Variants in MYOM2 observed in about 807,000 individuals in gnomAD.
MYOM2 encodes the protein myomesin-2.
MYOM2 carries 254 observed loss-of-function variants against 187.6 expected under a neutral mutation model. The ratio of observed to expected loss-of-function variants is 1.35; its 90% CI spans 1.22 to 1.50. The LOEUF (loss-of-function observed/expected upper bound fraction) is 1.50, where lower values mean the gene tolerates loss of function less well. Among genes scored for constraint, MYOM2 ranks in the 40% most tolerant of loss-of-function variants. The probability of loss-of-function intolerance (pLI) is 0.00; values close to 1 mark genes in which losing one functional copy is unlikely to be tolerated. For synonymous variants in MYOM2, 981 were observed against 753.8 expected (o/e 1.30, Z -4.94); for missense variants, 2,796 against 1,924.0 (o/e 1.45, Z -8.48).
At chr8:2,079,846 G>A (rs1268949783) in intron 13 of MYOM2, among the ~76,000 whole-genome samples, 1 of 152,204 alleles carries the variant, frequency 6.6e-6, no homozygotes, top group East Asian at 1.9e-4. Flanking sequence ...GTGACTCTTA[G>A]ACTCACCTTT....
intron 28 of MYOM2, among the ~76,000 whole-genome samples, chr8:2,121,013 G>C (rs1797435419): frequency 6.6e-6 from 1 of 151,966 alleles, no homozygotes; most frequent in African/African-American, 2.4e-5. Context: ...AAGCTGCAAG[G>C]GAAGTGGTCT....
chr8:2,085,435 C>A (rs375758114), intron 14 of MYOM2, 45 bp downstream of exon 14: 36 of 1,599,864 alleles, frequency 2.3e-5, no homozygotes, highest in Admixed American at 3.4e-5. Flanking sequence ...CTCTGCATGG[C>A]CCCCCACTGT....
chr8:2,087,775 C>T (rs574914666), intron 14 of MYOM2, among the ~76,000 whole-genome samples: 17 of 152,284 alleles, frequency 1.1e-4, no homozygotes, highest in African/African-American at 3.6e-4. Flanking sequence ...TGTGCCACCA[C>T]GCCCAGCTGA....
At chr8:2,143,924 G>A (rs1798366805) in intron 36 of MYOM2, among the ~76,000 whole-genome samples, 1 of 152,350 alleles carries the variant, frequency 6.6e-6, no homozygotes, top group African/African-American at 2.4e-5. Flanking sequence ...GGTCATTGTG[G>A]AACACATCGT....
intron 21 of MYOM2, 89 bp from the exon 22 acceptor site, chr8:2,106,153 G>A (rs2116800256): frequency 9.7e-6 from 13 of 1,336,308 alleles, no homozygotes; most frequent in Admixed American, 2.0e-5. Flanking sequence ...GGGTGTGGAC[G>A]CGGAGCCAAA....
At chr8:2,108,962 A>T in intron 24 of MYOM2, 132 bp downstream of exon 24, 1 of 823,134 alleles carries the variant, frequency 1.2e-6, no homozygotes, top group African/African-American at 1.7e-5. Context: ...AGCTTACAGG[A>T]TTGAAACCTA....
At chr8:2,124,241 C>T (rs1563072243) in intron 31 of MYOM2, 24 bp downstream of exon 31, 9 of 1,602,588 alleles carry the variant, frequency 5.6e-6, no homozygotes, top group Non-Finnish European at 7.7e-6. Flanking sequence ...TTTTAATTTT[C>T]AAGTCATTTG....
At position 2,094,025 on chromosome 8, in the gene MYOM2, G is replaced by C; in HGVS notation, c.2059G>C (p.Val687Leu). Residue 687 changes from valine (V) to leucine (L), a missense_variant, in exon 17 of 37, where the codon GTC becomes CTC. Physicochemically the swap from Val to Leu is conservative, Grantham distance 32. Transcript: ENST00000262113. ...GEQYIFRVKA[V>L]NAVGMSENSQ... ...GCAGTACATCTTCCGAGTCAAGGCG[G>C]TCAATGCTGTGGGGATGAGTGAAAA... The C allele has an allele frequency of 6.2e-7, 1 of 1,614,186 alleles. No homozygotes were observed. Among genetic ancestry groups the C allele is most frequent in the Non-Finnish European group, 8.5e-7 (1 of 1,180,046 alleles).
At chr8:2,114,561 G>T (rs567412124) in intron 25 of MYOM2, among the ~76,000 whole-genome samples, 2 of 152,104 alleles carry the variant, frequency 1.3e-5, no homozygotes, top group African/African-American at 4.8e-5. Context: ...TGCATCCTCT[G>T]CCTCCTGAGT....
intron 32 of MYOM2, among the ~76,000 whole-genome samples, chr8:2,137,168 A>C (rs546165839): frequency 2.6e-5 from 4 of 151,498 alleles, no homozygotes; most frequent in African/African-American, 9.7e-5. Flanking sequence ...AGCTCTTTGA[A>C]GAAGACACAT....
intron 32 of MYOM2, 136 bp from the exon 33 acceptor site, chr8:2,140,587 A>G (rs1798239465): frequency 1.3e-6 from 1 of 797,292 alleles, no homozygotes; most frequent in South Asian, 2.2e-5. Flanking sequence ...CATTCGTAAC[A>G]GCCAGAATAA....
chr8:2,099,592 G>A (rs1423998717), intron 19 of MYOM2, among the ~76,000 whole-genome samples: 2 of 152,144 alleles, frequency 1.3e-5, no homozygotes, highest in Admixed American at 6.5e-5. Flanking sequence ...CACTCTACTG[G>A]TTTTTTGTTT....
chr8:2,056,272 T>C (rs937005869), intron 3 of MYOM2, among the ~76,000 whole-genome samples: 3 of 152,116 alleles, frequency 2.0e-5, no homozygotes, highest in African/African-American at 7.2e-5. Flanking sequence ...GGAGTTTTGA[T>C]TGAAAGGGAT....
chr8:2,113,670 C>T (rs1237067201), intron 25 of MYOM2, among the ~76,000 whole-genome samples: 4 of 152,182 alleles, frequency 2.6e-5, no homozygotes. Context: ...CTTCTCAGGT[C>T]TGCACTGGGA....
At chr8:2,115,258 T>C (rs891140409) in intron 25 of MYOM2, among the ~76,000 whole-genome samples, 3 of 151,960 alleles carry the variant, frequency 2.0e-5, no homozygotes, top group Non-Finnish European at 2.9e-5. Flanking sequence ...GTTAAAAAGT[T>C]AATAAGTAAA....
intron 19 of MYOM2, among the ~76,000 whole-genome samples, chr8:2,100,106 TTCTTTCTTTCCTTCCTTCCTTCTTTCC>T (rs1796644176): frequency 2.0e-5 from 2 of 99,162 alleles, no homozygotes; most frequent in African/African-American, 7.8e-5. Context: ...CCTTCCTTCC[TTCTTTCTTTCCTTCCTTCCTTCTTTCC>T]TTCCTTCCTT....
At chr8:2,077,177 G>T (rs890996344) in intron 11 of MYOM2, among the ~76,000 whole-genome samples, 2 of 152,068 alleles carry the variant, frequency 1.3e-5, no homozygotes, top group African/African-American at 2.4e-5. Flanking sequence ...GGGTGTGCTG[G>T]CATGTGCTTA....
intron 28 of MYOM2, among the ~76,000 whole-genome samples, chr8:2,121,881 TG>T (rs747312638): frequency 7.2e-5 from 11 of 152,230 alleles, no homozygotes; most frequent in Non-Finnish European, 1.6e-4. Context: ...TAGACATTCA[TG>T]TGCAGTTTAG....
At chr8:2,139,886 T>A (rs1282808311) in intron 32 of MYOM2, among the ~76,000 whole-genome samples, 1 of 152,172 alleles carries the variant, frequency 6.6e-6, no homozygotes, top group Non-Finnish European at 1.5e-5. Context: ...GCACCTTGTT[T>A]TTATCTAAAC....
Sources: allele counts gnomAD v4.1 joint callset (sites outside exome capture counted in the v4.1 genomes callset), GRCh38; gene constraint gnomAD v4.1.1; transcripts MANE v1.5; gene names NCBI Gene and HGNC (gene_info 2026-07-23, HGNC 2026-07-21).